ZCWPW2: variants seen among roughly 807,000 people sequenced by gnomAD.
The protein encoded by ZCWPW2 is zinc finger CW-type PWWP domain protein 2.
Under a neutral mutation model 46.6 loss-of-function variants are expected in ZCWPW2, and 45 were observed. The ratio of observed to expected loss-of-function variants is 0.96; its 90% CI spans 0.76 to 1.24. The LOEUF is 1.24. Among genes scored for constraint, ZCWPW2 ranks in the 50% most tolerant of loss-of-function variants. The pLI is 0.00. For missense variants in ZCWPW2, 429 were observed against 403.9 expected, an observed-to-expected ratio of 1.06 and a Z score of -0.53; for synonymous variants, 152 against 137.1, an observed-to-expected ratio of 1.11 and a Z score of -0.76.
chr3:28,360,493 A>G (rs1386883515), intron 1 of ZCWPW2, among the ~76,000 whole-genome samples: 1 of 151,444 alleles, frequency 6.6e-6, no homozygotes, highest in Non-Finnish European at 1.5e-5. Context: ...ACGGCACTCC[A>G]GCCTGGGTGA....
intron 1 of ZCWPW2, among the ~76,000 whole-genome samples, chr3:28,356,627 G>T (rs1704742198): frequency 6.6e-6 from 1 of 152,156 alleles, no homozygotes; most frequent in African/African-American, 2.4e-5. Context: ...GTGATAAACT[G>T]GATGAAGAAA....
At chr3:28,439,745 A>G (rs1199560818) in intron 4 of ZCWPW2, among the ~76,000 whole-genome samples, 2 of 152,250 alleles carry the variant, frequency 1.3e-5, no homozygotes, top group African/African-American at 4.8e-5. Context: ...GCTGATATGA[A>G]GTCAATAAAT....
intron 4 of ZCWPW2, among the ~76,000 whole-genome samples, chr3:28,476,894 G>T (rs1699254700): frequency 6.6e-6 from 1 of 152,092 alleles, no homozygotes; most frequent in Admixed American, 6.6e-5. Context: ...ATGTTCCTAT[G>T]AGAGTCTAAT....
At chr3:28,462,375 A>T (rs1235224954) in intron 4 of ZCWPW2, among the ~76,000 whole-genome samples, 5 of 152,192 alleles carry the variant, frequency 3.3e-5, no homozygotes, top group African/African-American at 1.2e-4. Context: ...GGGCTGCCTA[A>T]CTTCGAGGGA....
chr3:28,432,794 T>C (rs545249738), intron 3 of ZCWPW2, among the ~76,000 whole-genome samples: 1 of 152,124 alleles, frequency 6.6e-6, no homozygotes, highest in African/African-American at 2.4e-5. Flanking sequence ...AAATAAAATA[T>C]CTAGCTATAG....
intron 6 of ZCWPW2, among the ~76,000 whole-genome samples, chr3:28,508,842 A>G (rs192658749): frequency 1.7e-4 from 26 of 152,192 alleles, no homozygotes; most frequent in Admixed American, 1.6e-3. Context: ...CAACCTTTCC[A>G]TGTCATTCCG....
chr3:28,411,344 CA>C (rs926300373), intron 2 of ZCWPW2, among the ~76,000 whole-genome samples: 13 of 150,832 alleles, frequency 8.6e-5, no homozygotes, highest in Admixed American at 2.0e-4. Context: ...TTAATATCAA[CA>C]AAAAAAATCC....
intron 4 of ZCWPW2, among the ~76,000 whole-genome samples, chr3:28,444,682 T>C (rs1391604664): frequency 6.6e-6 from 1 of 152,178 alleles, no homozygotes; most frequent in African/African-American, 2.4e-5. Context: ...CTACAGGAGA[T>C]AAGACTCTCA....
At chr3:28,514,315 A>G (rs1700507956) in intron 7 of ZCWPW2, among the ~76,000 whole-genome samples, 193 bp downstream of exon 7, 1 of 152,008 alleles carries the variant, frequency 6.6e-6, no homozygotes, top group South Asian at 2.1e-4. Flanking sequence ...CCTACCTCCT[A>G]TATTATCCAC....
At chr3:28,401,349 C>T (rs1695925059) in intron 2 of ZCWPW2, among the ~76,000 whole-genome samples, 1 of 152,144 alleles carries the variant, frequency 6.6e-6, no homozygotes, top group Non-Finnish European at 1.5e-5. Context: ...AAGAATTCAC[C>T]AGCCAACTAT....
At chr3:28,491,772 T>G (rs777644786) in intron 5 of ZCWPW2, among the ~76,000 whole-genome samples, 1 of 152,008 alleles carries the variant, frequency 6.6e-6, no homozygotes, top group Non-Finnish European at 1.5e-5. Flanking sequence ...GATATGAAAA[T>G]GGAGGCAGCT....
At chr3:28,515,413 A>T in intron 7 of ZCWPW2, 141 bp from the exon 8 acceptor site, 1 of 663,744 alleles carries the variant, frequency 1.5e-6, no homozygotes, top group Non-Finnish European at 2.6e-6. Context: ...ATACTTTGTT[A>T]CTACATAAAA....
intron 1 of ZCWPW2, among the ~76,000 whole-genome samples, chr3:28,350,343 A>G (rs776772927): frequency 2.0e-5 from 3 of 152,220 alleles, no homozygotes; most frequent in Non-Finnish European, 4.4e-5. Flanking sequence ...TAATTTAAGA[A>G]TTGTTGAAAA....
intron 3 of ZCWPW2, among the ~76,000 whole-genome samples, chr3:28,416,712 G>A (rs1369963149): frequency 8.2e-5 from 3 of 36,580 alleles, no homozygotes; most frequent in Admixed American, 6.7e-4. Context: ...TTTATTGAGA[G>A]TTTTTAGCAT....
chr3:28,354,001 A>C (rs190897437), intron 1 of ZCWPW2, among the ~76,000 whole-genome samples: 1 of 152,332 alleles, frequency 6.6e-6, no homozygotes, highest in Admixed American at 6.5e-5. Flanking sequence ...AATATTTGAC[A>C]AATTATTGAG....
chr3:28,520,960 G>A (rs1334321118), intron 8 of ZCWPW2, 32 bp from the exon 9 acceptor site: 7 of 1,609,786 alleles, frequency 4.3e-6, no homozygotes, highest in East Asian at 4.5e-5. Flanking sequence ...GTGAGATGTA[G>A]CATTTTTACT....
chr3:28,512,999 G>A (rs1700469610), intron 6 of ZCWPW2, among the ~76,000 whole-genome samples: 1 of 152,052 alleles, frequency 6.6e-6, no homozygotes, highest in Admixed American at 6.6e-5. Flanking sequence ...CCTCTAACCA[G>A]CACCAGATCA....
At chr3:28,374,050 G>A (rs757268590) in intron 1 of ZCWPW2, among the ~76,000 whole-genome samples, 13 of 151,886 alleles carry the variant, frequency 8.6e-5, no homozygotes, top group African/African-American at 1.7e-4. Flanking sequence ...TGTCTTATGC[G>A]ATAAAATGTT....
intron 1 of ZCWPW2, among the ~76,000 whole-genome samples, chr3:28,359,081 A>G (rs1704843998): frequency 2.6e-5 from 4 of 152,072 alleles, no homozygotes; most frequent in Admixed American, 2.6e-4. Context: ...GCTCAAAATT[A>G]AGTAATTGAG....
Sources: allele counts gnomAD v4.1 joint callset (sites outside exome capture counted in the v4.1 genomes callset), GRCh38; gene constraint gnomAD v4.1.1; transcripts MANE v1.5; gene names NCBI Gene and HGNC (gene_info 2026-07-23, HGNC 2026-07-21).